The following ACP3 variants were observed in gnomAD, a reference collection of about 807,000 sequenced individuals.
ACP3 encodes prostatic acid phosphatase.
ACP3 carries 38 observed loss-of-function variants against 45.6 expected under a neutral mutation model. That is an observed-to-expected ratio of 0.83 (90% CI 0.64 to 1.09). The LOEUF (loss-of-function observed/expected upper bound fraction) is 1.09, where lower values mean the gene tolerates loss of function less well. ACP3 is among the 50% of genes least tolerant of loss of function. The probability of loss-of-function intolerance (pLI) is 0.00; values close to 1 mark genes in which losing one functional copy is unlikely to be tolerated. For synonymous variants in ACP3, 162 were observed against 164.7 expected (o/e 0.98, Z 0.13); for missense variants, 466 against 463.2 (o/e 1.01, Z -0.05).
At chr3:132,340,217 A>C (rs1005729140) in intron 5 of ACP3, among the ~76,000 whole-genome samples, 2 of 151,512 alleles carry the variant, frequency 1.3e-5, no homozygotes, top group African/African-American at 4.8e-5. Context: ...CAGGAGGCTG[A>C]GGCAAGAGAA....
chr3:132,330,405 C>T (rs1937379408), intron 2 of ACP3, among the ~76,000 whole-genome samples: 1 of 152,138 alleles, frequency 6.6e-6, no homozygotes. Context: ...GTGGGAACTT[C>T]TCAGTAATGT....
intron 1 of ACP3, 34 bp downstream of exon 1, chr3:132,317,610 A>G (rs1441439370): frequency 6.3e-7 from 1 of 1,596,858 alleles, no homozygotes; most frequent in Non-Finnish European, 8.5e-7. Context: ...TTTTCCTTAA[A>G]ACTGTGTTCC....
intron 1 of ACP3, among the ~76,000 whole-genome samples, chr3:132,321,928 C>T (rs530992170): frequency 3.3e-5 from 5 of 152,250 alleles, no homozygotes; most frequent in Non-Finnish European, 7.4e-5. Context: ...ATATCAAATG[C>T]ATCCGGTGTG....
intron 1 of ACP3, among the ~76,000 whole-genome samples, chr3:132,324,047 G>A (rs372959658): frequency 3.9e-5 from 6 of 152,068 alleles, no homozygotes; most frequent in East Asian, 1.9e-4. Context: ...GCGAAACCCC[G>A]TCTCTACTAA....
intron 8 of ACP3, 128 bp from the exon 9 acceptor site, chr3:132,352,592 C>A: frequency 1.5e-6 from 1 of 669,528 alleles, no homozygotes. Context: ...TCCTTCTCTA[C>A]TTATTAAGTC....
chr3:132,328,410 G>C (rs1937340150), intron 2 of ACP3, 48 bp downstream of exon 2: 1 of 1,518,920 alleles, frequency 6.6e-7, no homozygotes, highest in Non-Finnish European at 9.1e-7. Context: ...TGGGTGTGGT[G>C]GCTCACGCCT....
downstream of ACP3, among the ~76,000 whole-genome samples, chr3:132,363,548 C>A (rs1356570655): frequency 6.6e-6 from 1 of 152,176 alleles, no homozygotes. Context: ...CGGTTCTAAG[C>A]CCTGAGTGTC....
chr3:132,366,337 T>C (rs185704218), intron 10 of ACP3, among the ~76,000 whole-genome samples: 31 of 149,564 alleles, frequency 2.1e-4, no homozygotes, highest in Middle Eastern at 3.5e-3. Flanking sequence ...AAAGGATAGA[T>C]AGAAACAAGG....
downstream of ACP3, among the ~76,000 whole-genome samples, chr3:132,359,046 G>A (rs1937982611): frequency 6.6e-6 from 1 of 152,140 alleles, no homozygotes; most frequent in Non-Finnish European, 1.5e-5. Flanking sequence ...CTCAGGAAGT[G>A]CACAATATAC....
chr3:132,348,097 C>T (rs941493858), intron 7 of ACP3, among the ~76,000 whole-genome samples: 1 of 152,124 alleles, frequency 6.6e-6, no homozygotes, highest in Non-Finnish European at 1.5e-5. Flanking sequence ...TGAGTAGTTG[C>T]AACAGATTTT....
intron 1 of ACP3, among the ~76,000 whole-genome samples, chr3:132,321,296 T>C (rs185454434): frequency 3.3e-5 from 5 of 150,700 alleles, no homozygotes; most frequent in African/African-American, 1.2e-4. Context: ...CTGGTTAACA[T>C]AGTAAGACCT....
rs373932013 is a variant in ACP3 at position 132,317,471 on chromosome 3, C to T, written c.15C>T (p.Pro5=). 2 of 1,613,160 alleles carry T rather than the reference C, an allele frequency of 1.2e-6. No homozygotes were observed. The highest frequency in any genetic ancestry group is 1.3e-5 in the African/African-American group (1 of 74,908). Residue 5 remains proline, a synonymous_variant, in exon 1 of 10, where the codon CCC becomes CCT. Coordinates refer to ENST00000336375, the MANE Select transcript of ACP3 (RefSeq NM_001099.5). ...CTCTCCTCAACATGAGAGCTGCACC[C>T]CTCCTCCTGGCCAGGGCAGCAAGCC... MRAA[P]LLLARAASLS... is the part of the protein sequence containing the mutation.
At chr3:132,339,944 A>C (rs776186794) in intron 5 of ACP3, among the ~76,000 whole-genome samples, 5 of 152,166 alleles carry the variant, frequency 3.3e-5, no homozygotes, top group Non-Finnish European at 7.4e-5. Context: ...GCCATCAATC[A>C]ATCATTAGCA....
At chr3:132,329,618 CTA>C (rs762804826) in intron 2 of ACP3, among the ~76,000 whole-genome samples, 114 of 152,308 alleles carry the variant, frequency 7.5e-4, no homozygotes, top group Non-Finnish European at 1.3e-3. Flanking sequence ...TGTTCTGTTG[CTA>C]TGTTTTCCCA....
At chr3:132,359,281 G>C (rs1440392631), downstream of ACP3, among the ~76,000 whole-genome samples, 6 of 152,194 alleles carry the variant, frequency 3.9e-5, no homozygotes, top group Non-Finnish European at 7.3e-5. Flanking sequence ...GGGAGGCCAA[G>C]GTGGGCGGAT....
rs1379726176 is a variant in ACP3 at position 132,342,568 on chromosome 3, T to TG, written c.575dup (p.Leu194ThrfsTer15). 1 of 1,612,538 alleles carries TG rather than the reference T, an allele frequency of 6.2e-7. No homozygotes were observed. Among genetic ancestry groups the TG allele is most frequent in the Non-Finnish European group, 8.5e-7 (1 of 1,179,428 alleles). On this transcript the variant is annotated frameshift_variant, in exon 6 of 10. Coordinates refer to ENST00000336375, the MANE Select transcript of ACP3 (RefSeq NM_001099.5). LOFTEE classifies it high-confidence loss of function. ...GTGTTTCAGGATTTTATAGCTACCT[T>TG]GGGAAAACTTTCAGGATTACATGGC...
chr3:132,353,269 T>C (rs902594739), intron 9 of ACP3, among the ~76,000 whole-genome samples: 2 of 152,220 alleles, frequency 1.3e-5, no homozygotes, highest in Non-Finnish European at 2.9e-5. Context: ...CTGTGTGACC[T>C]GGTGTGGCCC....
At chr3:132,362,624 G>A (rs1409717238), downstream of ACP3, among the ~76,000 whole-genome samples, 4 of 152,212 alleles carry the variant, frequency 2.6e-5, no homozygotes, top group Non-Finnish European at 5.9e-5. Flanking sequence ...AAACACAGCA[G>A]AGGCAATTAG....
intron 7 of ACP3, among the ~76,000 whole-genome samples, chr3:132,348,203 T>C (rs1039600212): frequency 6.6e-6 from 1 of 152,198 alleles, no homozygotes; most frequent in Non-Finnish European, 1.5e-5. Context: ...GCAAAGTTTA[T>C]GTCTTCAGGT....
Sources: gnomAD v4.1 joint callset for allele counts (sites outside exome capture counted in the v4.1 genomes callset) on GRCh38, gnomAD v4.1.1 for gene constraint, MANE v1.5 for transcripts, NCBI Gene and HGNC (gene_info 2026-07-23, HGNC 2026-07-21) for gene names.